CA12: variants seen among roughly 807,000 people sequenced by gnomAD.
CA12 encodes the protein carbonate dehydratase XII.
In CA12, 36 loss-of-function variants were observed where a neutral mutation model predicts 46.8. The observed-to-expected ratio is 0.77, with a 90% CI of 0.59 to 1.02. CA12 has a LOEUF of 1.02. Ranked by LOEUF, CA12 falls within the 50% of genes least tolerant of loss-of-function variation. The pLI is 0.00. For synonymous variants in CA12, 202 were observed against 187.0 expected (o/e 1.08, Z -0.65); for missense variants, 436 against 451.4 (o/e 0.97, Z 0.31).
rs143576832 is a variant in CA12 at position 63,328,779 on chromosome 15, C to T, written c.875-649G>A. Among the ~76,000 whole-genome samples, 13 of 152,330 alleles carry T rather than the reference C, an allele frequency of 8.5e-5. No homozygotes were observed. Among genetic ancestry groups the T allele is most frequent in the African/African-American group, 3.1e-4 (13 of 41,570 alleles). On this transcript the variant is annotated intron_variant, in intron 8 of 10. Coordinates refer to ENST00000178638, the MANE Select transcript of CA12 (RefSeq NM_001218.5). The surrounding 1 kb of genome is among the most constrained non-coding windows in gnomAD (Gnocchi z 5.9). Reference sequence around the variant, plus strand: ...GCAGTGGCACAATCTTGGCTCACTGCAACCTCCACCTCCTGGGTTCAAGCA... The same window carrying T: ...GCAGTGGCACAATCTTGGCTCACTGTAACCTCCACCTCCTGGGTTCAAGCA...
intron 4 of CA12, among the ~76,000 whole-genome samples, chr15:63,343,279 C>CTGTTTT (rs2039104392): frequency 1.0e-5 from 1 of 98,772 alleles, no homozygotes. Flanking sequence ...TAGAAAGAAT[C>CTGTTTT]TTTTTTTTTT....
At chr15:63,371,024 A>C (rs1456420736) in intron 2 of CA12, among the ~76,000 whole-genome samples, 16 of 152,118 alleles carry the variant, frequency 1.1e-4, no homozygotes, top group Non-Finnish European at 1.5e-5. Context: ...TTTATATTGC[A>C]ATTCAGGTGT....
chr15:63,356,850 TA>T (rs2039301851), intron 2 of CA12, among the ~76,000 whole-genome samples: 1 of 152,278 alleles, frequency 6.6e-6, no homozygotes, highest in East Asian at 1.9e-4. Context: ...CCCAAAGTAT[TA>T]AAAGCAGGGA....
Position 63,325,329 on chromosome 15 carries a change from G to A in CA12, c.*956C>T, listed in dbSNP as rs548408208. On this transcript the variant is annotated 3_prime_UTR_variant, in exon 11 of 11. Transcript: ENST00000178638. This position sits in a 1 kb window ranked among gnomAD's most constrained non-coding sequence, Gnocchi z 4.9. ...TTTCCTCCAGATTCAAAGGCAGATT[G>A]GGTCATCTCGGAACTCATGTCTCCT... 2.6e-5 allele frequency: 4 copies of A among 152,210 alleles called. No individual in the cohort carries two copies. In the South Asian group the frequency reaches 8.3e-4, roughly 32 times the overall value. 9.4% of individuals were successfully genotyped at this position (152,210 alleles called of 1,614,324 possible).
chr15:63,379,248 A>G (rs1180016750), intron 1 of CA12, among the ~76,000 whole-genome samples: 1 of 152,020 alleles, frequency 6.6e-6, no homozygotes, highest in African/African-American at 2.4e-5. Context: ...GGGGCTCAGG[A>G]GCTGGAGGGC....
chr15:63,344,820 T>C (rs907701232), intron 4 of CA12, among the ~76,000 whole-genome samples: 1 of 152,118 alleles, frequency 6.6e-6, no homozygotes, highest in Non-Finnish European at 1.5e-5. Flanking sequence ...TGCAATTGCA[T>C]AGGACAAATG....
Position 63,327,301 on chromosome 15 carries a change from G to T in CA12, c.908-68C>A. 1 of 1,266,004 alleles carries T rather than the reference G, an allele frequency of 7.9e-7. No individual in the cohort carries two copies. Among genetic ancestry groups the T allele is most frequent in the Non-Finnish European group, 1.1e-6 (1 of 879,518 alleles). The allele number at this position is 1,266,004 out of a possible 1,614,324, so 78.4% of individuals were successfully genotyped here. A position where few individuals can be genotyped will look rare whatever the true frequency, so the allele number is the denominator to read the frequency against. On this transcript the variant is annotated intron_variant, in intron 9 of 10. Coordinates refer to ENST00000178638, the MANE Select transcript of CA12 (RefSeq NM_001218.5). This position sits in a 1 kb window ranked among gnomAD's most constrained non-coding sequence, Gnocchi z 4.5. ...CCTCCATCTTAGCCCATGGCCCCCG[G>T]GTGTGAAATCATGGCCCAGCTGCAT...
In CA12 at chr15:63,331,767, T is replaced by C. The variant is rs1210765616; in HGVS notation, c.875-3637A>G. On this transcript the variant is annotated intron_variant, in intron 8 of 10. Transcript: ENST00000178638. The surrounding 1 kb of genome is among the most constrained non-coding windows in gnomAD (Gnocchi z 5.3). ...TTGCCACAAGGGCCTTGCTACCTGT[T>C]CTGGCAGGCCCAGGAGCTGCGTCTT... The C allele has an allele frequency of 6.6e-6, 1 of 152,242 alleles. No homozygotes were observed. The highest frequency in any genetic ancestry group is 1.9e-4 in the East Asian group (1 of 5,196). 9.4% of individuals were successfully genotyped at this position (152,242 alleles called of 1,614,324 possible).
chr15:63,346,135 G>A (rs1251850049), intron 3 of CA12, among the ~76,000 whole-genome samples: 3 of 152,110 alleles, frequency 2.0e-5, no homozygotes, highest in East Asian at 1.9e-4. Context: ...CTCATGGCTC[G>A]TAAGCAGTCA....
In CA12 at chr15:63,321,622, C is replaced by T. The variant is rs1014683283; in HGVS notation, c.*4663G>A. The T allele has an allele frequency of 6.6e-6, 1 of 152,204 alleles. No individual in the cohort carries two copies. Among genetic ancestry groups the T allele is most frequent in the Non-Finnish European group, 1.5e-5 (1 of 68,050 alleles). 9.4% of individuals were successfully genotyped at this position (152,204 alleles called of 1,614,324 possible). A position where few individuals can be genotyped will look rare whatever the true frequency, so the allele number is the denominator to read the frequency against. ...GGCTGGAACGCACTGGCAGGTGGTC[C>T]CTGTGCCCCAGAGGCCCCGTTTCCT... is the stretch of plus-strand genomic sequence containing the variant. On this transcript the variant is annotated 3_prime_UTR_variant, in exon 11 of 11. Transcript: ENST00000178638. The surrounding 1 kb of genome is among the most constrained non-coding windows in gnomAD (Gnocchi z 4.5).
chr15:63,322,680 G>A lies in CA12; in HGVS notation c.*3605C>T, dbSNP rs1595770597. 6.6e-6 allele frequency: 1 copy of A among 152,250 alleles called. No homozygotes were observed. Among genetic ancestry groups the A allele is most frequent in the Admixed American group, 6.5e-5 (1 of 15,284 alleles). The allele number at this position is 152,250 out of a possible 1,614,324, so 9.4% of individuals were successfully genotyped here. A position where few individuals can be genotyped will look rare whatever the true frequency, so the allele number is the denominator to read the frequency against. On this transcript the variant is annotated 3_prime_UTR_variant, in exon 11 of 11. Coordinates refer to ENST00000178638, the MANE Select transcript of CA12 (RefSeq NM_001218.5). This position sits in a 1 kb window ranked among gnomAD's most constrained non-coding sequence, Gnocchi z 4.1. ...CTGCTCCAGGAGTGCTCTCCCCAGT[G>A]GGGTGGGAGCAAGTCCAAGGAGTGA...
Position 63,326,207 on chromosome 15 carries a change from C to T in CA12, c.*78G>A, listed in dbSNP as rs149272619. 166 of 1,072,540 alleles carry T rather than the reference C, an allele frequency of 1.5e-4. No individual in the cohort carries two copies. The East Asian group carries it at 1.8e-3, about 12-fold the overall frequency. The allele number at this position is 1,072,540 out of a possible 1,614,324, so 66.4% of individuals were successfully genotyped here. On this transcript the variant is annotated 3_prime_UTR_variant, in exon 11 of 11. Transcript: ENST00000178638. ...AGCTACAGAGAACACCTTGAGGTGT[C>T]GCAAGTGTCCAGAGAGCCGAAGTGT...
At chr15:63,359,625 G>A (rs916335119) in intron 2 of CA12, among the ~76,000 whole-genome samples, 2 of 152,098 alleles carry the variant, frequency 1.3e-5, no homozygotes, top group Non-Finnish European at 2.9e-5. Context: ...AGATCTATAT[G>A]CTATATGCTA....
chr15:63,347,004 C>T (rs2039159214), intron 2 of CA12, among the ~76,000 whole-genome samples: 4 of 152,220 alleles, frequency 2.6e-5, no homozygotes, highest in African/African-American at 7.2e-5. Context: ...CACGTCAAGA[C>T]CTGTTGACTT....
At chr15:63,362,569 G>A (rs1220571053) in intron 2 of CA12, among the ~76,000 whole-genome samples, 1 of 152,168 alleles carries the variant, frequency 6.6e-6, no homozygotes, top group Admixed American at 6.5e-5. Context: ...CAATCCCTGG[G>A]GAGTCTGGAA....
At chr15:63,356,584 C>G (rs887673647) in intron 2 of CA12, among the ~76,000 whole-genome samples, 1 of 74 alleles carries the variant, frequency 0.014, no homozygotes, top group African/African-American at 0.025. Flanking sequence ...AATGCAGTAG[C>G]GTGATCTCGC....
At chr15:63,346,933 G>C (rs1042071342) in intron 2 of CA12, among the ~76,000 whole-genome samples, 1 of 152,214 alleles carries the variant, frequency 6.6e-6, no homozygotes, top group Non-Finnish European at 1.5e-5. Context: ...GGGCTGCACA[G>C]GCCAGAGCCA....
chr15:63,343,300 T>A (rs902963281), intron 4 of CA12, among the ~76,000 whole-genome samples: 11 of 137,600 alleles, frequency 8.0e-5, no homozygotes, highest in South Asian at 2.3e-4. Flanking sequence ...TTTTTTTTTT[T>A]AATGGAGTTT....
In CA12 at chr15:63,355,284, T is replaced by C. The variant is rs2039280592; in HGVS notation, c.107-8575A>G. ...GGGCAGGGCAAAGGGTTTCCCCCTC[T>C]TCTGTGCTCCTATACAGCCTTTGCA... On this transcript the variant is annotated intron_variant, in intron 2 of 10. Transcript: ENST00000178638. The surrounding 1 kb of genome is among the most constrained non-coding windows in gnomAD (Gnocchi z 4.1). 6.6e-6 allele frequency among the ~76,000 whole-genome samples: 1 copy of C among 152,204 alleles called. No homozygotes were observed. Among genetic ancestry groups the C allele is most frequent in the African/African-American group, 2.4e-5 (1 of 41,444 alleles).
Sources: allele counts gnomAD v4.1 joint callset (sites outside exome capture counted in the v4.1 genomes callset), GRCh38; gene constraint gnomAD v4.1.1; non-coding constraint Gnocchi (gnomAD v3.1); transcripts MANE v1.5; gene names NCBI Gene and HGNC (gene_info 2026-07-23, HGNC 2026-07-21).